SESN3: variants seen among roughly 807,000 people sequenced by gnomAD.
SESN3 encodes sestrin-3.
SESN3 carries 21 observed loss-of-function variants against 55.3 expected under a neutral mutation model. That is an observed-to-expected ratio of 0.38 (90% CI 0.27 to 0.55). The LOEUF (loss-of-function observed/expected upper bound fraction) is 0.55, where lower values mean the gene tolerates loss of function less well. Among genes scored for constraint, SESN3 ranks in the 20% least tolerant of loss-of-function variants. The pLI is 0.76. For synonymous variants in SESN3, 181 were observed against 203.1 expected (o/e 0.89, Z 0.93); for missense variants, 408 against 604.3 (o/e 0.68, Z 3.41).
At chr11:95,198,246 T>C (rs1860398900) in intron 1 of SESN3, among the ~76,000 whole-genome samples, 1 of 152,044 alleles carries the variant, frequency 6.6e-6, no homozygotes, top group Non-Finnish European at 1.5e-5. Context: ...GCTTACCCCA[T>C]TGTTGGGAAG....
chr11:95,183,515 T>A (rs1288219723), intron 6 of SESN3, among the ~76,000 whole-genome samples: 4 of 151,954 alleles, frequency 2.6e-5, no homozygotes, highest in Non-Finnish European at 4.4e-5. Flanking sequence ...TTTGAAGCCC[T>A]CTTTTAGATC....
At chr11:95,205,792 T>G (rs761525790) in intron 1 of SESN3, among the ~76,000 whole-genome samples, 21 of 152,306 alleles carry the variant, frequency 1.4e-4, no homozygotes, top group Non-Finnish European at 2.8e-4. Context: ...AACTTTATAC[T>G]AGGTTATCTC....
Position 95,193,458 on chromosome 11 carries a change from T to G in SESN3, c.143A>C (p.Glu48Ala), listed in dbSNP as rs1471834519. 6.5e-7 allele frequency: 1 copy of G among 1,536,516 alleles called. No homozygotes were observed. The change falls in exon 2 of 10, where the codon GAA (glutamate) becomes GCA (alanine). Residue 48 changes from glutamate (E) to alanine (A), a missense_variant and splice_region_variant. Physicochemically the swap from Glu to Ala is moderately radical, Grantham distance 107. Coordinates refer to ENST00000536441, the MANE Select transcript of SESN3 (RefSeq NM_144665.4). ...ATATTTTAAGACAGATAAACTTACT[T>G]CCTTCTCTGGAATAAAGGCACTTGG... ...RGPSAFIPEK[E>A]VVQANTVDER...
At chr11:95,178,535 T>A (rs1203173260) in intron 7 of SESN3, among the ~76,000 whole-genome samples, 175 bp downstream of exon 7, 2 of 152,186 alleles carry the variant, frequency 1.3e-5, no homozygotes, top group Non-Finnish European at 2.9e-5. Flanking sequence ...GAGAAAAATG[T>A]TGAAATAATT....
chr11:95,213,599 T>C (rs1247619723), intron 1 of SESN3, among the ~76,000 whole-genome samples: 3 of 152,194 alleles, frequency 2.0e-5, no homozygotes, highest in African/African-American at 7.2e-5. Context: ...ATAGGTGATC[T>C]GTAGACCCCA....
intron 1 of SESN3, among the ~76,000 whole-genome samples, chr11:95,197,534 T>C (rs1200154373): frequency 1.3e-5 from 2 of 151,312 alleles, no homozygotes; most frequent in Non-Finnish European, 2.9e-5. Context: ...AACCTCTGCC[T>C]CCCGGGCTCA....
At chr11:95,232,335 C>A (rs1415856918), upstream of SESN3, 1 of 152,260 alleles carries the variant, frequency 6.6e-6, no homozygotes, top group Non-Finnish European at 1.5e-5. Context: ...GTTCCCGATG[C>A]TAGACGCCCG....
Position 95,171,179 on chromosome 11 carries a change from T to C in SESN3, c.*2076A>G, listed in dbSNP as rs747292246. ...CATCCTCAACTTGAAAGTTGTGAAG[T>C]TAGGTAAGTCAAATGGACATTTATG... On this transcript the variant is annotated 3_prime_UTR_variant, in exon 10 of 10. Transcript: ENST00000536441. 1 of 152,152 alleles carries C rather than the reference T, an allele frequency of 6.6e-6. No homozygotes were observed. Among genetic ancestry groups the C allele is most frequent in the Admixed American group, 6.5e-5 (1 of 15,268 alleles). The allele number at this position is 152,152 out of a possible 1,614,324, so 9.4% of individuals were successfully genotyped here.
At chr11:95,176,022 T>C (rs1859948736) in intron 8 of SESN3, among the ~76,000 whole-genome samples, 1 of 152,242 alleles carries the variant, frequency 6.6e-6, no homozygotes, top group African/African-American at 2.4e-5. Flanking sequence ...AAAGCCTTGA[T>C]ATTTGAACAA....
chr11:95,225,930 G>T (rs1378255247), intron 1 of SESN3, among the ~76,000 whole-genome samples: 1 of 151,830 alleles, frequency 6.6e-6, no homozygotes, highest in Non-Finnish European at 1.5e-5. Context: ...TGTCAAGGAG[G>T]CAATTTAATT....
chr11:95,193,551 CAAT>C (rs1591058130), intron 1 of SESN3, 29 bp from the exon 2 acceptor site: 1 of 1,219,530 alleles, frequency 8.2e-7, no homozygotes, highest in Non-Finnish European at 1.2e-6. Flanking sequence ...TTTTATGTAT[CAAT>C]GATGACTTTC....
At position 95,165,933 on chromosome 11, in the gene SESN3, G is replaced by A. The variant is rs1859738498; in HGVS notation, c.*7322C>T. On this transcript the variant is annotated 3_prime_UTR_variant, in exon 10 of 10. Coordinates refer to ENST00000536441, the MANE Select transcript of SESN3 (RefSeq NM_144665.4). ...TAGTAATACATACAAAAGCTTTCAT[G>A]GGTTCTAGAACCTTCTTAACTGCTG... 1 of 152,100 alleles carries A rather than the reference G, an allele frequency of 6.6e-6. No homozygotes were observed. Among genetic ancestry groups the A allele is most frequent in the Non-Finnish European group, 1.5e-5 (1 of 68,004 alleles). 9.4% of individuals were successfully genotyped at this position (152,100 alleles called of 1,614,324 possible).
intron 6 of SESN3, 76 bp downstream of exon 6, chr11:95,184,344 T>C (rs1366136999): frequency 8.4e-7 from 1 of 1,184,936 alleles, no homozygotes; most frequent in Admixed American, 1.9e-5. Flanking sequence ...TTTTTACATA[T>C]CCACATGGAA....
chr11:95,194,826 C>T (rs947626489), intron 1 of SESN3, among the ~76,000 whole-genome samples: 15 of 152,016 alleles, frequency 9.9e-5, no homozygotes, highest in African/African-American at 3.4e-4. Flanking sequence ...AAAAAAATTT[C>T]GAACACTCTC....
intron 1 of SESN3, among the ~76,000 whole-genome samples, chr11:95,213,291 A>G (rs1860692546): frequency 1.3e-5 from 2 of 152,234 alleles, no homozygotes; most frequent in African/African-American, 2.4e-5. Flanking sequence ...GTAACCTCAG[A>G]GTATTAAGCA....
chr11:95,221,897 T>C (rs1860865440), intron 1 of SESN3, among the ~76,000 whole-genome samples: 1 of 152,120 alleles, frequency 6.6e-6, no homozygotes, highest in Admixed American at 6.6e-5. Context: ...AGTTATGGGG[T>C]AGTCTGGGCC....
chr11:95,199,368 A>T (rs1415489450), intron 1 of SESN3, among the ~76,000 whole-genome samples: 1 of 152,088 alleles, frequency 6.6e-6, no homozygotes, highest in Non-Finnish European at 1.5e-5. Context: ...ATTATAGCTG[A>T]AAAAAGTTAC....
In SESN3 at chr11:95,171,636, G is replaced by A. The variant is rs1193065065; in HGVS notation, c.*1619C>T. ...AGTAAGTCTAAAATGAAATATTTGC[G>A]GGAACTCTAACAGAAAATTTTATCT... On this transcript the variant is annotated 3_prime_UTR_variant, in exon 10 of 10. Coordinates refer to ENST00000536441, the MANE Select transcript of SESN3 (RefSeq NM_144665.4). 1.3e-5 allele frequency: 2 copies of A among 152,006 alleles called. No individual in the cohort carries two copies. Among genetic ancestry groups the A allele is most frequent in the African/African-American group, 2.4e-5 (1 of 41,388 alleles). The allele number at this position is 152,006 out of a possible 1,614,324, so 9.4% of individuals were successfully genotyped here.
chr11:95,203,156 A>T (rs1860489289), intron 1 of SESN3, among the ~76,000 whole-genome samples: 1 of 152,108 alleles, frequency 6.6e-6, no homozygotes, highest in Non-Finnish European at 1.5e-5. Flanking sequence ...ATAGTATTAT[A>T]AAATCAAAAG....
Sources: allele counts gnomAD v4.1 joint callset (sites outside exome capture counted in the v4.1 genomes callset), GRCh38; gene constraint gnomAD v4.1.1; transcripts MANE v1.5; gene names NCBI Gene and HGNC (gene_info 2026-07-23, HGNC 2026-07-21).